Variants in SLIT3 observed in about 807,000 individuals in gnomAD.
SLIT3 encodes the protein slit guidance ligand 3.
A neutral mutation model predicts 184.0 loss-of-function variants in SLIT3; 68 were observed. The ratio of observed to expected loss-of-function variants is 0.37; its 90% CI spans 0.30 to 0.45. The LOEUF (loss-of-function observed/expected upper bound fraction) is 0.45, where lower values mean the gene tolerates loss of function less well. Ranked by LOEUF, SLIT3 falls within the 20% of genes least tolerant of loss-of-function variation. The pLI is 1.00. For missense variants in SLIT3, 1,707 were observed against 2,026.0 expected (o/e 0.84, Z 3.02); for synonymous variants, 831 against 828.6 (o/e 1.00, Z -0.05).
chr5:169,103,040 A>G (rs1023054513), intron 4 of SLIT3, among the ~76,000 whole-genome samples: 1 of 152,190 alleles, frequency 6.6e-6, no homozygotes, highest in South Asian at 2.1e-4. Flanking sequence ...TCATGGTGAC[A>G]TTTTTTGAGT....
intron 20 of SLIT3, among the ~76,000 whole-genome samples, 187 bp from the exon 21 acceptor site, chr5:168,724,671 C>A (rs1316227611): frequency 6.6e-6 from 1 of 152,158 alleles, no homozygotes; most frequent in Admixed American, 6.5e-5. Context: ...CAATGAATGA[C>A]ATTTTTTTCT....
chr5:169,097,346 G>T (rs1249728568), intron 4 of SLIT3, among the ~76,000 whole-genome samples: 1 of 151,892 alleles, frequency 6.6e-6, no homozygotes, highest in South Asian at 2.1e-4. Flanking sequence ...AAGAATGAAA[G>T]GAAGATGGAT....
At chr5:169,097,141 G>A (rs193144358) in intron 4 of SLIT3, among the ~76,000 whole-genome samples, 24 of 152,316 alleles carry the variant, frequency 1.6e-4, no homozygotes, top group Non-Finnish European at 4.4e-5. Context: ...GGACCCATGA[G>A]GCTGGGAACC....
intron 1 of SLIT3, among the ~76,000 whole-genome samples, chr5:169,265,076 G>C (rs1379237090): frequency 6.6e-6 from 1 of 152,116 alleles, no homozygotes; most frequent in Non-Finnish European, 1.5e-5. Flanking sequence ...AGGAGTATTG[G>C]GCATGGGGTC....
chr5:168,810,673 AC>A (rs1757131739), intron 8 of SLIT3, among the ~76,000 whole-genome samples: 1 of 152,170 alleles, frequency 6.6e-6, no homozygotes, highest in Admixed American at 6.5e-5. Flanking sequence ...TTTGTGCCAA[AC>A]GGGGCAGAAA....
intron 6 of SLIT3, among the ~76,000 whole-genome samples, chr5:168,844,042 C>G (rs916304429): frequency 1.6e-5 from 2 of 126,288 alleles, no homozygotes; most frequent in African/African-American, 6.0e-5. Flanking sequence ...TGAATTGAAG[C>G]CTGAGATGAG....
At chr5:169,059,017 G>C (rs1229009140) in intron 4 of SLIT3, among the ~76,000 whole-genome samples, 1 of 152,184 alleles carries the variant, frequency 6.6e-6, no homozygotes, top group Non-Finnish European at 1.5e-5. Context: ...TGGAGAGTTT[G>C]CCAAGGGAGC....
intron 4 of SLIT3, among the ~76,000 whole-genome samples, chr5:168,883,988 A>G (rs985464900): frequency 1.3e-5 from 2 of 152,104 alleles, no homozygotes; most frequent in African/African-American, 4.8e-5. Flanking sequence ...CAGTGCCAGC[A>G]TGTTGCTTTG....
At chr5:169,152,232 G>C (rs908328326) in intron 4 of SLIT3, among the ~76,000 whole-genome samples, 2 of 152,138 alleles carry the variant, frequency 1.3e-5, no homozygotes, top group Non-Finnish European at 2.9e-5. Context: ...AATTTAAATT[G>C]AGCAAATTCA....
At chr5:168,956,508 A>G (rs1400268614) in intron 4 of SLIT3, among the ~76,000 whole-genome samples, 1 of 152,238 alleles carries the variant, frequency 6.6e-6, no homozygotes, top group Non-Finnish European at 1.5e-5. Flanking sequence ...AAAGAATCAC[A>G]GAGGGGGCCA....
intron 4 of SLIT3, among the ~76,000 whole-genome samples, chr5:169,037,400 G>A (rs1157208132): frequency 6.6e-6 from 1 of 152,142 alleles, no homozygotes; most frequent in African/African-American, 2.4e-5. Context: ...GTTTTTAAAG[G>A]GAGAGAAAGC....
chr5:169,190,117 T>C (rs571639319), intron 4 of SLIT3, among the ~76,000 whole-genome samples: 1 of 152,172 alleles, frequency 6.6e-6, no homozygotes, highest in Non-Finnish European at 1.5e-5. Context: ...GAGGACACCA[T>C]CTCATTAGCA....
chr5:169,094,212 A>T (rs1396386462), intron 4 of SLIT3, among the ~76,000 whole-genome samples: 1 of 152,262 alleles, frequency 6.6e-6, no homozygotes, highest in Non-Finnish European at 1.5e-5. Flanking sequence ...GATCCCAATG[A>T]GGTCATTACT....
chr5:169,169,492 G>A (rs1762751754), intron 4 of SLIT3, among the ~76,000 whole-genome samples: 1 of 152,186 alleles, frequency 6.6e-6, no homozygotes. Context: ...AAATTAGCTG[G>A]TTTCTCCCAG....
At chr5:169,156,750 C>T (rs376009119) in intron 4 of SLIT3, among the ~76,000 whole-genome samples, 12 of 152,238 alleles carry the variant, frequency 7.9e-5, no homozygotes, top group African/African-American at 2.9e-4. Context: ...TAGAGGACTT[C>T]TACTTATGGA....
At position 168,665,449 on chromosome 5, in the gene SLIT3, C is replaced by T. The variant is rs1344901613; in HGVS notation, c.*1005G>A. ...TTCCAAGAAGGGCTGACTACCTTCT[C>T]TACTGGGATACATTCCAATGAAAAA... On this transcript the variant is annotated 3_prime_UTR_variant, in exon 36 of 36. Transcript: ENST00000519560. The T allele has an allele frequency of 2.6e-5, 4 of 152,284 alleles. No individual in the cohort carries two copies. The highest frequency in any genetic ancestry group is 4.4e-5 in the Non-Finnish European group (3 of 68,112). The allele number at this position is 152,284 out of a possible 1,614,324, so 9.4% of individuals were successfully genotyped here.
intron 26 of SLIT3, 114 bp from the exon 27 acceptor site, chr5:168,700,793 C>T: frequency 1.3e-6 from 1 of 750,940 alleles, no homozygotes. Flanking sequence ...GAGATGACAA[C>T]AAGGAGCCCC....
intron 1 of SLIT3, among the ~76,000 whole-genome samples, chr5:169,260,728 C>G (rs989611511): frequency 6.6e-6 from 1 of 152,140 alleles, no homozygotes; most frequent in Non-Finnish European, 1.5e-5. Flanking sequence ...TACTGATACA[C>G]CATTCATTCA....
intron 3 of SLIT3, among the ~76,000 whole-genome samples, chr5:169,215,864 T>C (rs1199452812): frequency 1.3e-5 from 2 of 152,258 alleles, no homozygotes; most frequent in African/African-American, 4.8e-5. Flanking sequence ...TGTTCCCTCA[T>C]GTCTAAAGCC....
Sources: allele counts gnomAD v4.1 joint callset (sites outside exome capture counted in the v4.1 genomes callset), GRCh38; gene constraint gnomAD v4.1.1; transcripts MANE v1.5; gene names NCBI Gene and HGNC (gene_info 2026-07-23, HGNC 2026-07-21).